Variants in ATRX observed in about 807,000 individuals in gnomAD.
ATRX encodes the protein ATRX chromatin remodeler.
ATRX carries 12 observed loss-of-function variants against 172.6 expected under a neutral mutation model. That is an observed-to-expected ratio of 0.07 (90% confidence interval 0.04 to 0.11). The LOEUF is 0.11. Among genes scored for constraint, ATRX ranks in the 10% least tolerant of loss-of-function variants. The pLI is 1.00. For missense variants in ATRX, 1,368 were observed against 1,767.4 expected (o/e 0.77, Z 4.05); for synonymous variants, 674 against 594.7 (o/e 1.13, Z -1.94).
intron 22 of ATRX, among the ~76,000 whole-genome samples, chrX:77,609,736 C>CA: frequency 8.9e-6 from 1 of 111,869 alleles, no homozygotes; most frequent in South Asian, 3.8e-4. Context: ...CCTGGCCTCC[C>CA]AAAGTGCTGG....
At chrX:77,736,574 T>C (rs2074578745) in intron 1 of ATRX, among the ~76,000 whole-genome samples, 1 of 112,474 alleles carries the variant, frequency 8.9e-6, no homozygotes, top group African/African-American at 3.2e-5. Flanking sequence ...TAACAAATGT[T>C]GGCAATGATG....
intron 26 of ATRX, among the ~76,000 whole-genome samples, chrX:77,592,124 A>G (rs1281012370): frequency 8.9e-6 from 1 of 111,814 alleles, no homozygotes; most frequent in Non-Finnish European, 1.9e-5. Context: ...TATTAAAAGC[A>G]TCTCAAGCTA....
rs368111954 is a variant in ATRX, at chrX:77,785,967, G to C, written c.20+15C>G. 4.2e-6 allele frequency: 5 copies of C among 1,188,072 alleles called. No homozygotes were observed. The highest frequency in any genetic ancestry group is 3.7e-5 in the South Asian group (2 of 53,951). The stretch of plus-strand genomic sequence containing the variant: ...CCCAGACCGCTGGGGCCCATGAGAC[G>C]GGGTTGCGTTTTACCTCATGGGCTC... On this transcript the variant is annotated intron_variant, in intron 1 of 34. Coordinates refer to ENST00000373344, the MANE Select transcript of ATRX (RefSeq NM_000489.6).
rs782168232 is a variant in ATRX, at chrX:77,682,172, A to G, written c.3084T>C (p.Phe1028=). 3 of 1,211,169 alleles carry G rather than the reference A, an allele frequency of 2.5e-6. No homozygotes were observed. The highest frequency in any genetic ancestry group is 3.4e-6 in the Non-Finnish European group (3 of 895,181). Residue 1028 remains phenylalanine (F), a synonymous_variant, in exon 9 of 35, where the codon TTT becomes TTC. Transcript: ENST00000373344. ...KLPEREEICH[F]PKGIKQIKNG... ...TCTTAATTTGTTTTATGCCCTTAGG[A>G]AAATGACAAATTTCTTCTCGCTCAG... is the stretch of plus-strand genomic sequence containing the variant.
In ATRX at chrX:77,663,248, T is replaced by C. The variant is rs45547835; in HGVS notation, c.4120+134A>G. 1.3e-3 allele frequency: 857 copies of C among 669,117 alleles called. 6 individuals are homozygous for C. In the East Asian group the frequency reaches 0.025, roughly 19 times the overall value. The allele number at this position is 669,117 out of a possible 1,213,427, so 55.1% of individuals were successfully genotyped here. A position where few individuals can be genotyped will look rare whatever the true frequency, so the allele number is the denominator to read the frequency against. On this transcript the variant is annotated intron_variant, in intron 12 of 34. Transcript: ENST00000373344. ...TTTTCATAAAGATGAGGTTTCCCTA[T>C]GTTGCCCAGGCTGGTCTTAAACTCC... is the stretch of plus-strand genomic sequence containing the variant.
At chrX:77,746,052 T>C (rs1029623495) in intron 1 of ATRX, among the ~76,000 whole-genome samples, 1 of 111,471 alleles carries the variant, frequency 9.0e-6, no homozygotes. Context: ...ACACTGTTGG[T>C]GGGAATAACA....
At chrX:77,638,480 A>G (rs1337216494) in intron 15 of ATRX, among the ~76,000 whole-genome samples, 1 of 112,418 alleles carries the variant, frequency 8.9e-6, no homozygotes, top group Non-Finnish European at 1.9e-5. Context: ...CTCAAAAGAA[A>G]AAGAAAATTA....
intron 30 of ATRX, among the ~76,000 whole-genome samples, chrX:77,544,451 T>C (rs1350823578): frequency 9.0e-6 from 1 of 110,676 alleles, no homozygotes; most frequent in African/African-American, 3.3e-5. Context: ...AGTTTTAGCG[T>C]ACATGTGCAC....
intron 30 of ATRX, among the ~76,000 whole-genome samples, chrX:77,542,888 C>G: frequency 9.0e-6 from 1 of 111,569 alleles, no homozygotes; most frequent in South Asian, 3.8e-4. Context: ...TAGGCAATAC[C>G]ATTCAGGACA....
At chrX:77,651,960 T>C in intron 15 of ATRX, 154 bp downstream of exon 15, 2 of 497,280 alleles carry the variant, frequency 4.0e-6, no homozygotes, top group South Asian at 6.1e-5. Context: ...AGAAATAAAT[T>C]AAGGCTGGGT....
At chrX:77,525,255 C>T (rs933082254) in intron 30 of ATRX, among the ~76,000 whole-genome samples, 1 of 111,847 alleles carries the variant, frequency 8.9e-6, no homozygotes, top group Non-Finnish European at 1.9e-5. Context: ...ATAGGTTTAT[C>T]ATCACTAGAT....
intron 22 of ATRX, among the ~76,000 whole-genome samples, chrX:77,615,160 G>A (rs1419094870): frequency 1.8e-5 from 2 of 110,300 alleles, no homozygotes; most frequent in Admixed American, 2.0e-4. Flanking sequence ...TACCATACCC[G>A]GCTAATTTTT....
intron 30 of ATRX, among the ~76,000 whole-genome samples, chrX:77,543,711 G>GA (rs1434191882): frequency 9.1e-6 from 1 of 110,317 alleles, no homozygotes; most frequent in Non-Finnish European, 1.9e-5. Context: ...CACAAGAACA[G>GA]AAAATCAAAC....
intron 1 of ATRX, among the ~76,000 whole-genome samples, chrX:77,721,864 C>G (rs1249171009): frequency 1.8e-5 from 2 of 111,548 alleles, no homozygotes; most frequent in African/African-American, 6.5e-5. Context: ...CCCACAGGGC[C>G]ACGACAATCC....
chrX:77,732,797 C>T (rs923860509), intron 1 of ATRX, among the ~76,000 whole-genome samples: 9 of 111,515 alleles, frequency 8.1e-5, no homozygotes, highest in African/African-American at 2.6e-4. Context: ...CCATATACAA[C>T]ACACCCACAA....
intron 1 of ATRX, among the ~76,000 whole-genome samples, chrX:77,745,045 G>A (rs184238873): frequency 9.3e-5 from 10 of 107,719 alleles, no homozygotes; most frequent in South Asian, 4.2e-4. Flanking sequence ...GGTGGTATGC[G>A]CCTATAGTCC....
chrX:77,652,057 C>A lies in ATRX; in HGVS notation c.4557+57G>T, dbSNP rs1439260948. 7.7e-6 allele frequency: 9 copies of A among 1,174,010 alleles called. No individual in the cohort carries two copies. The Middle Eastern group carries it at 7.2e-4, about 94-fold the overall frequency. On this transcript the variant is annotated intron_variant, in intron 15 of 34. Coordinates refer to ENST00000373344, the MANE Select transcript of ATRX (RefSeq NM_000489.6). ...CCCAAGAGTTCGAGGCCAGCCTGGGCAACAGAGCAAGACCCTGTAGCTACA... is the reference window on the plus strand; with the variant it reads ...CCCAAGAGTTCGAGGCCAGCCTGGGAAACAGAGCAAGACCCTGTAGCTACA...
chrX:77,522,751 G>C (rs1201790804), intron 31 of ATRX, among the ~76,000 whole-genome samples: 6 of 112,039 alleles, frequency 5.4e-5, no homozygotes, highest in African/African-American at 1.6e-4. Flanking sequence ...TTTTGCTCAA[G>C]TGGGTTGATG....
chrX:77,751,667 T>C (rs1299518311), intron 1 of ATRX, among the ~76,000 whole-genome samples: 1 of 112,262 alleles, frequency 8.9e-6, no homozygotes, highest in Non-Finnish European at 1.9e-5. Flanking sequence ...TTTAAGTCTT[T>C]AATCGATCTT....
Sources: allele counts gnomAD v4.1 joint callset (sites outside exome capture counted in the v4.1 genomes callset), GRCh38; gene constraint gnomAD v4.1.1; transcripts MANE v1.5; gene names NCBI Gene and HGNC (gene_info 2026-07-23, HGNC 2026-07-21).